Variants in CARD10 observed in about 807,000 individuals in gnomAD.
CARD10 encodes caspase recruitment domain-containing protein 10.
CARD10 carries 49 observed loss-of-function variants against 114.6 expected under a neutral mutation model. That is an observed-to-expected ratio of 0.43 (90% CI 0.34 to 0.54). The LOEUF is 0.54. Among genes scored for constraint, CARD10 ranks in the 20% least tolerant of loss-of-function variants. CARD10 has a pLI of 0.03. For synonymous variants in CARD10, 602 were observed against 593.2 expected, an observed-to-expected ratio of 1.01 and a Z score of -0.21; for missense variants, 1,206 against 1,397.2, an observed-to-expected ratio of 0.86 and a Z score of 2.18.
At position 37,504,635 on chromosome 22, in the gene CARD10, C is replaced by G; in HGVS notation, c.1518G>C (p.Ser506=). The G allele has an allele frequency of 6.7e-7, 1 of 1,485,334 alleles. No individual in the cohort carries two copies. The highest frequency in any genetic ancestry group is 8.9e-7 in the Non-Finnish European group (1 of 1,118,430). The allele number at this position is 1,485,334 out of a possible 1,614,324, so 92.0% of individuals were successfully genotyped here. The stretch of plus-strand genomic sequence containing the variant: ...ATTTGGGATGGGGCAGTTGTCTTAC[C>G]GAGTTGTGAGGCTCAGGTCCCCCCA... ...AVMGGPEPHN[S]EEATDSEKEI... The change falls in exon 8 of 20, where the codon TCG becomes TCC. Residue 506 remains serine (S), a splice_region_variant and synonymous_variant. Transcript: ENST00000251973.
In CARD10 at chr22:37,502,737, G is replaced by A. The variant is rs140056; in HGVS notation, c.1664-12C>T. The A allele has an allele frequency of 0.018, 28,600 of 1,611,444 alleles. 406 individuals carry two copies. The highest frequency in any genetic ancestry group is 0.065 in the Admixed American group (3,873 of 59,762). On this transcript the variant is annotated splice_polypyrimidine_tract_variant and intron_variant, in intron 10 of 19. Transcript: ENST00000251973. Reference sequence around the variant, plus strand: ...AAGTGTCACACTCCCTGGGGAAAAAGAATGAGGTTCAGGGATCTGGCACTG... The same window carrying A: ...AAGTGTCACACTCCCTGGGGAAAAAAAATGAGGTTCAGGGATCTGGCACTG...
chr22:37,505,495 C>T (rs950406480), intron 7 of CARD10, among the ~76,000 whole-genome samples: 1 of 151,908 alleles, frequency 6.6e-6, no homozygotes, highest in African/African-American at 2.4e-5. Context: ...CATGGTGAAA[C>T]CCCCATCCCT....
chr22:37,508,565 G>A lies in CARD10; in HGVS notation c.1027C>T (p.Gln343Ter). ...QELCQKLHAV[Q>*]GELQWAEELR... ...TCCTCGGCCCACTGCAGCTCCCCCT[G>A]CACGGCATGCAGCTTCTGGCACAGC... is the stretch of plus-strand genomic sequence containing the variant. Residue 343 changes from glutamine (Q) to a stop codon, truncating the protein, a stop_gained, in exon 5 of 20, where the codon CAG becomes TAG. Transcript: ENST00000251973. LOFTEE classifies it high-confidence loss of function. The A allele has an allele frequency of 6.3e-7, 1 of 1,597,632 alleles. No individual in the cohort carries two copies. The highest frequency in any genetic ancestry group is 8.5e-7 in the Non-Finnish European group (1 of 1,177,936).
chr22:37,515,942 T>G, intron 3 of CARD10, 31 bp downstream of exon 3: 1 of 1,512,564 alleles, frequency 6.6e-7, no homozygotes, highest in Non-Finnish European at 8.9e-7. Context: ...CCCCTTCCCT[T>G]GCCTCCCCGA....
At position 37,496,608 on chromosome 22, in the gene CARD10, T is replaced by C. The variant is rs1353381825; in HGVS notation, c.1948-48A>G. 1.5e-6 allele frequency: 2 copies of C among 1,372,072 alleles called. No homozygotes were observed. The highest frequency in any genetic ancestry group is 1.0e-6 in the Non-Finnish European group (1 of 969,370). The allele number at this position is 1,372,072 out of a possible 1,614,324, so 85.0% of individuals were successfully genotyped here. A position where few individuals can be genotyped will look rare whatever the true frequency, so the allele number is the denominator to read the frequency against. On this transcript the variant is annotated intron_variant, in intron 12 of 19. Transcript: ENST00000251973. This position sits in a 1 kb window ranked among gnomAD's most constrained non-coding sequence, Gnocchi z 4.1. ...AGGGAAAGAAGTGAGCCTCTGAGAG[T>C]AGAGCAGCCCAGGGGCTGGAGGAAG...
intron 11 of CARD10, among the ~76,000 whole-genome samples, chr22:37,498,810 G>T (rs1366191641): frequency 6.6e-6 from 1 of 150,444 alleles, no homozygotes; most frequent in Non-Finnish European, 1.5e-5. Context: ...CTGCACCCTA[G>T]CCTGGGCAAA....
rs1039792240 is a variant in CARD10 at position 37,501,060 on chromosome 22, A to G, written c.1787+1542T>C. 1.3e-5 allele frequency among the ~76,000 whole-genome samples: 2 copies of G among 152,056 alleles called. No individual in the cohort carries two copies. The highest frequency in any genetic ancestry group is 4.8e-5 in the African/African-American group (2 of 41,368). ...CCTCGCCATAACACAATCCCAGGAG[A>G]CACACAAGTTGCCCCGACCTGGGAC... On this transcript the variant is annotated intron_variant, in intron 11 of 19. Transcript: ENST00000251973. This position sits in a 1 kb window ranked among gnomAD's most constrained non-coding sequence, Gnocchi z 5.4.
Position 37,497,107 on chromosome 22 carries a change from C to T in CARD10, c.1859G>A (p.Gly620Glu), listed in dbSNP as rs370249432. The change falls in exon 12 of 20, where the codon GGA becomes GAA. Residue 620 changes from glycine (G) to glutamate (E), a missense_variant. By Grantham distance (98) the Gly-to-Glu change is moderately conservative (BLOSUM62 -2). Transcript: ENST00000251973. ...CCATCTGTCCCCATAAAACGACAGT[C>T]CATCTGGTCCCTTGTCCTGCGGCTC... ...GPEPQDKGPD[G>E]LSFYGDRWSG... 11 of 1,614,136 alleles carry T rather than the reference C, an allele frequency of 6.8e-6. No individual in the cohort carries two copies. Among genetic ancestry groups the T allele is most frequent in the Non-Finnish European group, 9.3e-6 (11 of 1,180,058 alleles).
rs1923953467 is a variant in CARD10, at chr22:37,519,326, A to T, written c.-126T>A. On this transcript the variant is annotated 5_prime_UTR_variant, in exon 1 of 20. Coordinates refer to ENST00000251973, the MANE Select transcript of CARD10 (RefSeq NM_014550.4). This position sits in a 1 kb window ranked among gnomAD's most constrained non-coding sequence, Gnocchi z 4.1. ...GACCCGCCGTCGGGGGCGCGCCCCG[A>T]GCTCCCCGCGACTCACCCCGCACGC... 1 of 1,336,088 alleles carries T rather than the reference A, an allele frequency of 7.5e-7. No homozygotes were observed. Among genetic ancestry groups the T allele is most frequent in the Non-Finnish European group, 9.6e-7 (1 of 1,047,038 alleles). The allele number at this position is 1,336,088 out of a possible 1,614,324, so 82.8% of individuals were successfully genotyped here. A position where few individuals can be genotyped will look rare whatever the true frequency, so the allele number is the denominator to read the frequency against.
Position 37,510,417 on chromosome 22 carries a change from T to C in CARD10, c.704A>G (p.Asp235Gly). The C allele has an allele frequency of 1.9e-6, 3 of 1,613,528 alleles. No individual in the cohort carries two copies. The highest frequency in any genetic ancestry group is 1.7e-6 in the Non-Finnish European group (2 of 1,179,924). ...LRSRDLQLAV[D>G]QLKLKVSRLE... ...CCGACTCACTTTGAGCTTGAGCTGA[T>C]CCACCTGGAGCCCAAGACATGGGTC... The change falls in exon 4 of 20, where the codon GAT becomes GGT. Residue 235 changes from aspartate (D) to glycine (G), a missense_variant. Around this residue, in one of 2 missense-constraint regions of CARD10, gnomAD observed 1,068 missense variants for 1,179.1 expected, o/e 0.91. Transcript: ENST00000251973.
rs1490871799 is a variant in CARD10, at chr22:37,501,011, T to C, written c.1787+1591A>G. ...CCCAAGGTCCCACAGTAGCAAGTGC[T>C]GACACCAAAGCCAGCTCTTCCCACC... is the stretch of plus-strand genomic sequence containing the variant. On this transcript the variant is annotated intron_variant, in intron 11 of 19. Coordinates refer to ENST00000251973, the MANE Select transcript of CARD10 (RefSeq NM_014550.4). The surrounding 1 kb of genome is among the most constrained non-coding windows in gnomAD (Gnocchi z 5.4). Among the ~76,000 whole-genome samples the C allele has an allele frequency of 2.6e-5, 4 of 152,086 alleles. No homozygotes were observed. The highest frequency in any genetic ancestry group is 2.6e-4 in the Admixed American group (4 of 15,270).
In CARD10 at chr22:37,506,084, C is replaced by T. The variant is rs564260477; in HGVS notation, c.1383+108G>A. On this transcript the variant is annotated intron_variant, in intron 7 of 19. Coordinates refer to ENST00000251973, the MANE Select transcript of CARD10 (RefSeq NM_014550.4). The stretch of plus-strand genomic sequence containing the variant: ...TTCCCACTTCCCCCAAGCTTCCTCC[C>T]CTGGCTGAGGTCTCCCACCAGGGCC... 3.3e-5 allele frequency: 28 copies of T among 860,676 alleles called. No homozygotes were observed. The African/African-American group carries it at 3.5e-4, about 11-fold the overall frequency. The allele number at this position is 860,676 out of a possible 1,614,324, so 53.3% of individuals were successfully genotyped here. A position where few individuals can be genotyped will look rare whatever the true frequency, so the allele number is the denominator to read the frequency against.
chr22:37,503,303 A>C, intron 9 of CARD10, 90 bp from the exon 10 acceptor site: 1 of 1,288,364 alleles, frequency 7.8e-7, no homozygotes, highest in Non-Finnish European at 1.1e-6. Flanking sequence ...CACCAGATAA[A>C]TGTCTCACAG....
rs1350647946 is a variant in CARD10 at position 37,494,441 on chromosome 22, T to C, written c.2374-253A>G. Reference sequence around the variant, plus strand: ...GGGAAGCCAGCCCGTCTGAGCCTGGTGGAGGAGCCTTAGGTATACCCCCCA... The same window carrying C: ...GGGAAGCCAGCCCGTCTGAGCCTGGCGGAGGAGCCTTAGGTATACCCCCCA... On this transcript the variant is annotated intron_variant, in intron 15 of 19. Transcript: ENST00000251973. 8.9e-6 allele frequency: 5 copies of C among 561,596 alleles called. No homozygotes were observed. The African/African-American group carries it at 9.5e-5, about 11-fold the overall frequency. 34.8% of individuals were successfully genotyped at this position (561,596 alleles called of 1,614,324 possible). A position where few individuals can be genotyped will look rare whatever the true frequency, so the allele number is the denominator to read the frequency against.
At position 37,492,683 on chromosome 22, in the gene CARD10, G is replaced by T. The variant is rs1264941590; in HGVS notation, c.2596C>A (p.Leu866Met). 6.2e-7 allele frequency: 1 copy of T among 1,613,170 alleles called. No individual in the cohort carries two copies. Reference protein sequence around the residue: ...APRLIRNLLDLPSSRLDFQVC... With the variant: ...APRLIRNLLDMPSSRLDFQVC... ...TGGAAGTCCAGCCGGGAGCTGGGCA[G>T]GTCTAGCAGGTTACGGATGAGCCGG... The change falls in exon 17 of 20, where the codon CTG becomes ATG. Residue 866 changes from leucine (L) to methionine (M), a missense_variant. Physicochemically the swap from Leu to Met is conservative, Grantham distance 15. Transcript: ENST00000251973. The surrounding 1 kb of genome is among the most constrained non-coding windows in gnomAD (Gnocchi z 5.7).
chr22:37,492,927 A>T lies in CARD10; in HGVS notation c.2477-125T>A. ...AGTCCTGCTGCTGCTCCTCCTACAC[A>T]TGCACACACACACACCCTTAGTAGG... is the stretch of plus-strand genomic sequence containing the variant. On this transcript the variant is annotated intron_variant, in intron 16 of 19. Coordinates refer to ENST00000251973, the MANE Select transcript of CARD10 (RefSeq NM_014550.4). The surrounding 1 kb of genome is among the most constrained non-coding windows in gnomAD (Gnocchi z 5.7). 1.1e-6 allele frequency: 1 copy of T among 939,076 alleles called. No homozygotes were observed. Among genetic ancestry groups the T allele is most frequent in the Non-Finnish European group, 1.6e-6 (1 of 630,682 alleles). 58.2% of individuals were successfully genotyped at this position (939,076 alleles called of 1,614,324 possible).
intron 15 of CARD10, among the ~76,000 whole-genome samples, chr22:37,494,809 A>T (rs1047044282): frequency 2.6e-5 from 4 of 152,214 alleles, no homozygotes; most frequent in African/African-American, 9.6e-5. Flanking sequence ...TAGGTGGCAG[A>T]GCTGGGGTCG....
chr22:37,491,267 T>C lies in CARD10; in HGVS notation c.2991A>G (p.Ala997=), dbSNP rs781708567. The C allele has an allele frequency of 1.9e-6, 3 of 1,569,350 alleles. No homozygotes were observed. The African/African-American group carries it at 4.0e-5, about 21-fold the overall frequency. ...CGCGCACCACCTTGGCCAGCTCCTC[T>C]GCGTGTCCCCACTCATGGGCGGGCA... ...VQVPAHEWGH[A]EELAKVVRGR... is the part of the protein sequence containing the mutation. Residue 997 remains alanine (A), a synonymous_variant, in exon 20 of 20, where the codon GCA becomes GCG. Transcript: ENST00000251973.
chr22:37,496,715 T>TCCCCATCCACAGGACGC lies in CARD10; in HGVS notation c.1948-172_1948-156dup. 1 of 669,642 alleles carries TCCCCATCCACAGGACGC rather than the reference T, an allele frequency of 1.5e-6. No homozygotes were observed. The highest frequency in any genetic ancestry group is 2.6e-6 in the Non-Finnish European group (1 of 388,262). The allele number at this position is 669,642 out of a possible 1,614,324, so 41.5% of individuals were successfully genotyped here. On this transcript the variant is annotated intron_variant, in intron 12 of 19. Coordinates refer to ENST00000251973, the MANE Select transcript of CARD10 (RefSeq NM_014550.4). This position sits in a 1 kb window ranked among gnomAD's most constrained non-coding sequence, Gnocchi z 4.1. ...GCCATGCCCAGCCCAGTCAGACCCG[T>TCCCCATCCACAGGACGC]CCCCATCCACAGGACGCCCCCATCC...
Sources: allele counts gnomAD v4.1 joint callset (sites outside exome capture counted in the v4.1 genomes callset), GRCh38; gene constraint gnomAD v4.1.1; regional missense constraint gnomAD v4.1.1; non-coding constraint Gnocchi (gnomAD v3.1); transcripts MANE v1.5; gene names NCBI Gene and HGNC (gene_info 2026-07-23, HGNC 2026-07-21).